Variants in MGST1 observed in about 807,000 individuals in gnomAD.
MGST1 encodes glutathione S-transferase 12.
In MGST1, 5 loss-of-function variants were observed where a neutral mutation model predicts 8.9. The ratio of observed to expected loss-of-function variants is 0.56; its 90% CI spans 0.29 to 1.19. MGST1 has a LOEUF of 1.19. Ranked by LOEUF, MGST1 falls within the 50% of genes most tolerant of loss-of-function variation. The probability of loss-of-function intolerance (pLI) is 0.08; values close to 1 mark genes in which losing one functional copy is unlikely to be tolerated. For missense variants in MGST1, 182 were observed against 187.4 expected, an observed-to-expected ratio of 0.97 and a Z score of 0.17; for synonymous variants, 54 against 67.8, an observed-to-expected ratio of 0.80 and a Z score of 1.00.
At chr12:16,414,577 G>A (rs978864340) in intron 1 of MGST1, among the ~76,000 whole-genome samples, 5 of 151,452 alleles carry the variant, frequency 3.3e-5, no homozygotes, top group Non-Finnish European at 7.4e-5. Context: ...CACCATGCCC[G>A]GCTAATATTT....
chr12:16,390,119 G>A (rs1404198062), intron 1 of MGST1, among the ~76,000 whole-genome samples: 1 of 151,914 alleles, frequency 6.6e-6, no homozygotes, highest in Admixed American at 6.6e-5. Context: ...CATTTCTCTG[G>A]TTAGGAAATG....
intron 4 of MGST1, among the ~76,000 whole-genome samples, chr12:16,525,295 C>T: frequency 8.0e-6 from 1 of 124,746 alleles, no homozygotes; most frequent in Admixed American, 8.6e-5. Context: ...TCCCTCCCCC[C>T]TCCCCCCACC....
chr12:16,356,909 T>C (rs2136950948), intron 2 of MGST1, among the ~76,000 whole-genome samples: 1 of 152,336 alleles, frequency 6.6e-6, no homozygotes, highest in South Asian at 2.1e-4. Context: ...TACTTTCAGA[T>C]GAGCCAATCG....
intron 4 of MGST1, among the ~76,000 whole-genome samples, chr12:16,487,643 C>T (rs753280910): frequency 2.0e-5 from 3 of 152,054 alleles, no homozygotes; most frequent in Non-Finnish European, 4.4e-5. Flanking sequence ...TCTTCTAGAT[C>T]AAGTGATAGA....
chr12:16,534,504 G>A (rs1442820445), intron 4 of MGST1, among the ~76,000 whole-genome samples: 1 of 152,120 alleles, frequency 6.6e-6, no homozygotes. Flanking sequence ...CATATAGTAA[G>A]GGATGGCACA....
downstream of MGST1, among the ~76,000 whole-genome samples, chr12:16,381,787 A>C (rs1235730294): frequency 1.3e-5 from 2 of 152,098 alleles, no homozygotes; most frequent in African/African-American, 4.8e-5. Flanking sequence ...TCAGATGTAG[A>C]TTTGGTCTTT....
chr12:16,575,349 A>C (rs1293388096), intron 4 of MGST1, among the ~76,000 whole-genome samples: 1 of 152,252 alleles, frequency 6.6e-6, no homozygotes, highest in Admixed American at 6.5e-5. Context: ...CTAAAAGACC[A>C]AGTCCTCTCT....
chr12:16,553,018 G>C (rs1407407419), intron 4 of MGST1, among the ~76,000 whole-genome samples: 1 of 152,072 alleles, frequency 6.6e-6, no homozygotes, highest in Admixed American at 6.5e-5. Flanking sequence ...TTGTAGGCTT[G>C]TGGCAAGGAG....
chr12:16,389,057 G>A lies in MGST1; in HGVS notation n.778+5453G>A, dbSNP rs1275306518. ...GGGGAAATTAAGTTAATCTTGTAAA[G>A]TGCCACTTTGCGTATCTGAAGACAA... On this transcript the variant is annotated intron_variant and non_coding_transcript_variant, in intron 1 of 1. Transcript: ENST00000359720. The surrounding 1 kb of genome is among the most constrained non-coding windows in gnomAD (Gnocchi z 4.6). 6.6e-6 allele frequency among the ~76,000 whole-genome samples: 1 copy of A among 152,250 alleles called. No individual in the cohort carries two copies. The highest frequency in any genetic ancestry group is 1.5e-5 in the Non-Finnish European group (1 of 68,046).
chr12:16,422,904 A>G (rs1346555294), intron 1 of MGST1, among the ~76,000 whole-genome samples: 6 of 152,150 alleles, frequency 3.9e-5, no homozygotes, highest in Non-Finnish European at 5.9e-5. Flanking sequence ...TTACATGGAC[A>G]TGCTGATTGG....
intron 1 of MGST1, among the ~76,000 whole-genome samples, chr12:16,436,436 T>C (rs1268832309): frequency 6.6e-6 from 1 of 151,908 alleles, no homozygotes; most frequent in East Asian, 1.9e-4. Context: ...TACTCTTAAG[T>C]TCATTGAGGG....
chr12:16,474,343 A>G (rs1474132252), intron 4 of MGST1, among the ~76,000 whole-genome samples: 1 of 152,256 alleles, frequency 6.6e-6, no homozygotes, highest in Non-Finnish European at 1.5e-5. Context: ...ACATTTCATC[A>G]GGGAAAAATT....
rs1941590072 is a variant in MGST1 at position 16,513,483 on chromosome 12, C to G, written n.483-76045C>G. ...CTGATGCCCCTGCCAGAGCCAGCTC[C>G]TGGTGGACCCATGTGGAGATGGGAC... is the stretch of plus-strand genomic sequence containing the variant. On this transcript the variant is annotated intron_variant and non_coding_transcript_variant, in intron 4 of 4. Transcript: ENST00000538857. The surrounding 1 kb of genome is among the most constrained non-coding windows in gnomAD (Gnocchi z 4.2). 4.4e-6 allele frequency: 2 copies of G among 449,900 alleles called. No individual in the cohort carries two copies. The highest frequency in any genetic ancestry group is 5.4e-5 in the Admixed American group (2 of 37,060). 27.9% of individuals were successfully genotyped at this position (449,900 alleles called of 1,614,324 possible). A position where few individuals can be genotyped will look rare whatever the true frequency, so the allele number is the denominator to read the frequency against.
At chr12:16,406,756 G>A (rs1053337114) in intron 1 of MGST1, among the ~76,000 whole-genome samples, 9 of 152,054 alleles carry the variant, frequency 5.9e-5, no homozygotes, top group African/African-American at 2.2e-4. Flanking sequence ...AAAGCTGCAC[G>A]CCTATGACAT....
chr12:16,579,188 C>G (rs1185265805), intron 4 of MGST1, among the ~76,000 whole-genome samples: 1 of 152,026 alleles, frequency 6.6e-6, no homozygotes, highest in African/African-American at 2.4e-5. Flanking sequence ...TATATATTCC[C>G]TTAGATACAC....
intron 4 of MGST1, among the ~76,000 whole-genome samples, chr12:16,568,032 G>T (rs753442085): frequency 6.6e-6 from 1 of 152,098 alleles, no homozygotes; most frequent in Non-Finnish European, 1.5e-5. Context: ...TGATTTTTTG[G>T]AATTCTTGAG....
chr12:16,353,049 G>A (rs1460748268), intron 1 of MGST1, among the ~76,000 whole-genome samples: 1 of 150,680 alleles, frequency 6.6e-6, no homozygotes, highest in Non-Finnish European at 1.5e-5. Flanking sequence ...TTTTTTGGAG[G>A]GGGAGACAGA....
At chr12:16,448,788 A>T (rs533765646) in intron 4 of MGST1, among the ~76,000 whole-genome samples, 1 of 152,026 alleles carries the variant, frequency 6.6e-6, no homozygotes, top group African/African-American at 2.4e-5. Context: ...ACCCCAAGCT[A>T]TCCTTATCCT....
intron 4 of MGST1, among the ~76,000 whole-genome samples, chr12:16,479,330 G>A (rs1442656516): frequency 2.1e-5 from 3 of 143,224 alleles, no homozygotes; most frequent in African/African-American, 7.8e-5. Flanking sequence ...CGCCTCCCGG[G>A]TTCACGCCAT....
Sources: gnomAD v4.1 joint callset for allele counts (sites outside exome capture counted in the v4.1 genomes callset) on GRCh38, gnomAD v4.1.1 for gene constraint, Gnocchi (gnomAD v3.1) non-coding constraint, MANE v1.5 for transcripts, NCBI Gene and HGNC (gene_info 2026-07-23, HGNC 2026-07-21) for gene names.